Variants in KLRG1 observed in about 807,000 individuals in gnomAD.
The protein encoded by KLRG1 is killer cell lectin like receptor G1.
Under a neutral mutation model 21.8 loss-of-function variants are expected in KLRG1, and 16 were observed. That is an observed-to-expected ratio of 0.73 (90% CI 0.50 to 1.11). The LOEUF is 1.11. Ranked by LOEUF, KLRG1 falls within the 50% of genes most tolerant of loss-of-function variation. KLRG1 has a pLI of 0.00. For synonymous variants in KLRG1, 69 were observed against 75.9 expected, an observed-to-expected ratio of 0.91 and a Z score of 0.47; for missense variants, 173 against 218.3, an observed-to-expected ratio of 0.79 and a Z score of 1.31.
At chr12:9,149,731 T>C in the KLRG1 span, 89 of 730,618 alleles carry the variant, frequency 1.2e-4, no homozygotes, top group Non-Finnish European at 1.8e-4. Flanking sequence ...TTCATGTAAA[T>C]AGACAAGAAT....
the KLRG1 span, among the ~76,000 whole-genome samples, chr12:9,127,142 T>G: frequency 5.3e-5 from 8 of 152,232 alleles, no homozygotes; most frequent in African/African-American, 1.9e-4. Context: ...CTTTTGAGAA[T>G]GTCTGTCCAG....
the KLRG1 span, among the ~76,000 whole-genome samples, chr12:9,035,580 C>T: frequency 2.0e-5 from 3 of 149,362 alleles, no homozygotes; most frequent in Non-Finnish European, 4.4e-5. Context: ...ACGTGTACTC[C>T]AGAACTTAAA....
the KLRG1 span, chr12:9,091,507 A>T: frequency 6.8e-7 from 1 of 1,460,276 alleles, no homozygotes; most frequent in Non-Finnish European, 9.4e-7. Context: ...CCTAGGAATG[A>T]TTCTACTGCC....
chr12:9,109,253 A>T, the KLRG1 span: 1 of 1,333,720 alleles, frequency 7.5e-7, no homozygotes, highest in Non-Finnish European at 1.1e-6. Context: ...GAGAGTAGTT[A>T]AAATATCCCA....
the KLRG1 span, among the ~76,000 whole-genome samples, chr12:9,031,461 C>A: frequency 6.6e-6 from 1 of 152,152 alleles, no homozygotes; most frequent in Admixed American, 6.5e-5. Context: ...AGTGGGACTT[C>A]AACGGGCCGC....
At chr12:8,973,818 T>C (rs1302217580) in intron 1 of KLRG1, among the ~76,000 whole-genome samples, 1 of 152,212 alleles carries the variant, frequency 6.6e-6, no homozygotes, top group Non-Finnish European at 1.5e-5. Context: ...TTCTTTTTCT[T>C]GCTATTATAA....
chr12:9,013,556 A>C (rs1947660110), downstream of KLRG1, among the ~76,000 whole-genome samples: 1 of 152,154 alleles, frequency 6.6e-6, no homozygotes, highest in African/African-American at 2.4e-5. Flanking sequence ...GGTTTAGTGG[A>C]CTCACAGTTC....
the KLRG1 span, among the ~76,000 whole-genome samples, chr12:9,179,959 C>T: frequency 6.6e-6 from 1 of 152,194 alleles, no homozygotes; most frequent in Non-Finnish European, 1.5e-5. Context: ...GAACAAATCT[C>T]TCAACTATTC....
the KLRG1 span, among the ~76,000 whole-genome samples, chr12:9,055,315 A>G: frequency 6.6e-6 from 1 of 152,216 alleles, no homozygotes; most frequent in Non-Finnish European, 1.5e-5. Context: ...TTTGCAAAAA[A>G]TGTTTCCACT....
chr12:9,084,163 AT>A, the KLRG1 span, among the ~76,000 whole-genome samples: 1 of 152,202 alleles, frequency 6.6e-6, no homozygotes, highest in African/African-American at 2.4e-5. Flanking sequence ...AGTCGTCAAC[AT>A]TAGGCCTGCC....
chr12:9,121,369 C>T, the KLRG1 span, among the ~76,000 whole-genome samples: 3 of 151,984 alleles, frequency 2.0e-5, no homozygotes, highest in East Asian at 1.9e-4. The surrounding 1 kb of genome is among the most constrained non-coding windows in gnomAD (Gnocchi z 4.4). Context: ...GGTGAAACCC[C>T]GTCTCTACTT....
At chr12:9,087,525 G>T in the KLRG1 span, among the ~76,000 whole-genome samples, 8 of 152,214 alleles carry the variant, frequency 5.3e-5, no homozygotes, top group African/African-American at 1.9e-4. Context: ...AAGGAAGGTG[G>T]TGTTCAAGGG....
the KLRG1 span, among the ~76,000 whole-genome samples, chr12:9,147,084 A>G: frequency 3.3e-5 from 5 of 152,192 alleles, no homozygotes; most frequent in African/African-American, 1.2e-4. Flanking sequence ...CTGGCAAGGC[A>G]GATGTCAGTT....
the KLRG1 span, chr12:9,113,390 C>T: frequency 9.3e-6 from 15 of 1,613,514 alleles, no homozygotes; most frequent in Non-Finnish European, 1.2e-5. Context: ...GTACGTCATT[C>T]TCCGCCTCCA....
intron 1 of KLRG1, among the ~76,000 whole-genome samples, chr12:8,954,641 T>C (rs972603270): frequency 1.4e-4 from 21 of 152,158 alleles, no homozygotes; most frequent in African/African-American, 5.1e-4. Context: ...AACCAAGATG[T>C]GATTACGAGT....
At chr12:9,209,811 G>C in the KLRG1 span, among the ~76,000 whole-genome samples, 3 of 152,006 alleles carry the variant, frequency 2.0e-5, no homozygotes, top group African/African-American at 7.2e-5. Flanking sequence ...TATTTTATAT[G>C]TATAAGTGGT....
At chr12:9,152,060 G>A in the KLRG1 span, among the ~76,000 whole-genome samples, 1 of 152,120 alleles carries the variant, frequency 6.6e-6, no homozygotes, top group Non-Finnish European at 1.5e-5. Context: ...ATGTCCCTTA[G>A]CTTACGGCCA....
intron 1 of KLRG1, among the ~76,000 whole-genome samples, chr12:8,981,190 T>G (rs1306565193): frequency 1.3e-5 from 2 of 152,236 alleles, no homozygotes; most frequent in Admixed American, 1.3e-4. Flanking sequence ...ATTAGAAGTT[T>G]ATCAGTCTTA....
the KLRG1 span, among the ~76,000 whole-genome samples, chr12:9,156,673 A>G: frequency 2.6e-5 from 4 of 152,216 alleles, no homozygotes; most frequent in Admixed American, 2.0e-4. Context: ...CATTATGTCT[A>G]TTATGTTCTG....
Sources: gnomAD v4.1 joint callset for allele counts (sites outside exome capture counted in the v4.1 genomes callset) on GRCh38, gnomAD v4.1.1 for gene constraint, Gnocchi (gnomAD v3.1) non-coding constraint, MANE v1.5 for transcripts, NCBI Gene and HGNC (gene_info 2026-07-23, HGNC 2026-07-21) for gene names.